Variants in TMEM229B observed in about 807,000 individuals in gnomAD.
TMEM229B encodes transmembrane protein 229B, also known as chromosome 14 open reading frame 83.
TMEM229B carries 6 observed loss-of-function variants against 13.7 expected under a neutral mutation model. The observed-to-expected ratio is 0.44, with a 90% CI of 0.24 to 0.86. TMEM229B has a LOEUF of 0.86. Ranked by LOEUF, TMEM229B falls within the 40% of genes least tolerant of loss-of-function variation. TMEM229B has a pLI of 0.23. For synonymous variants in TMEM229B, 107 were observed against 102.1 expected (o/e 1.05, Z -0.29); for missense variants, 170 against 236.0 (o/e 0.72, Z 1.83).
At chr14:67,528,801 T>C (rs2033405145) in intron 1 of TMEM229B, among the ~76,000 whole-genome samples, 1 of 152,058 alleles carries the variant, frequency 6.6e-6, no homozygotes, top group Admixed American at 6.5e-5. Flanking sequence ...CTGAGAAAAA[T>C]CACTCAAGGG....
chr14:67,478,224 G>T (rs779601867), intron 2 of TMEM229B, among the ~76,000 whole-genome samples: 6 of 152,230 alleles, frequency 3.9e-5, no homozygotes, highest in Admixed American at 1.3e-4. Context: ...GGCAAGGGCA[G>T]AGGCACAAAG....
chr14:67,531,218 C>T (rs1049693607), intron 1 of TMEM229B, among the ~76,000 whole-genome samples: 3 of 152,130 alleles, frequency 2.0e-5, no homozygotes, highest in African/African-American at 7.2e-5. Context: ...GAGTTCTGGG[C>T]TGCAATGAGC....
At chr14:67,497,344 A>G (rs2032431368) in intron 1 of TMEM229B, among the ~76,000 whole-genome samples, 1 of 152,178 alleles carries the variant, frequency 6.6e-6, no homozygotes, top group Non-Finnish European at 1.5e-5. Flanking sequence ...GCCTAAGGTC[A>G]TACAAATACC....
upstream of TMEM229B, among the ~76,000 whole-genome samples, chr14:67,518,664 C>T (rs1333797028): frequency 6.6e-6 from 1 of 152,186 alleles, no homozygotes; most frequent in Non-Finnish European, 1.5e-5. Flanking sequence ...GCCCTTCCCC[C>T]AAAGGAAACC....
intron 1 of TMEM229B, among the ~76,000 whole-genome samples, chr14:67,524,803 T>C (rs2033343139): frequency 6.6e-6 from 1 of 152,144 alleles, no homozygotes; most frequent in African/African-American, 2.4e-5. Flanking sequence ...GGGATCCAGA[T>C]AATATCAAAA....
intron 1 of TMEM229B, among the ~76,000 whole-genome samples, chr14:67,514,554 G>A (rs531226827): frequency 4.7e-4 from 72 of 152,162 alleles, no homozygotes; most frequent in Non-Finnish European, 8.4e-4. Flanking sequence ...GGGAGAAGGC[G>A]GCGGGGTCAT....
At chr14:67,521,769 T>C (rs1315972262) in intron 1 of TMEM229B, among the ~76,000 whole-genome samples, 1 of 152,188 alleles carries the variant, frequency 6.6e-6, no homozygotes, top group Non-Finnish European at 1.5e-5. Flanking sequence ...AGACCAAAGT[T>C]AAAAGAAATC....
intron 1 of TMEM229B, among the ~76,000 whole-genome samples, chr14:67,503,111 G>A (rs1326892457): frequency 6.6e-6 from 1 of 152,192 alleles, no homozygotes; most frequent in Non-Finnish European, 1.5e-5. Flanking sequence ...GGAGAGATCA[G>A]GATCTGTGTT....
chr14:67,481,853 G>A (rs1440932528), intron 2 of TMEM229B, among the ~76,000 whole-genome samples: 2 of 152,180 alleles, frequency 1.3e-5, no homozygotes, highest in African/African-American at 2.4e-5. Flanking sequence ...CAGCTCAGGG[G>A]ACCTTGGCTT....
At chr14:67,529,958 C>CT (rs930709547) in intron 1 of TMEM229B, among the ~76,000 whole-genome samples, 1 of 152,046 alleles carries the variant, frequency 6.6e-6, no homozygotes, top group Admixed American at 6.6e-5. Flanking sequence ...TGATTTGAGG[C>CT]TTTTTTGGTG....
At chr14:67,523,107 G>A (rs937357533) in intron 1 of TMEM229B, among the ~76,000 whole-genome samples, 13 of 152,120 alleles carry the variant, frequency 8.5e-5, no homozygotes, top group African/African-American at 3.1e-4. Flanking sequence ...GGTGGATCAC[G>A]AGGTCAGGAG....
chr14:67,508,576 A>G (rs1442947799), intron 1 of TMEM229B, among the ~76,000 whole-genome samples: 1 of 151,638 alleles, frequency 6.6e-6, no homozygotes, highest in Non-Finnish European at 1.5e-5. Flanking sequence ...TTCCTCTTCC[A>G]TGAATACTTC....
At chr14:67,528,756 T>TG (rs2033404561) in intron 1 of TMEM229B, among the ~76,000 whole-genome samples, 1 of 152,136 alleles carries the variant, frequency 6.6e-6, no homozygotes, top group Non-Finnish European at 1.5e-5. Context: ...TGATATGTGT[T>TG]GTAATTACAT....
intron 1 of TMEM229B, among the ~76,000 whole-genome samples, chr14:67,527,435 T>C (rs761680600): frequency 6.6e-6 from 1 of 151,764 alleles, no homozygotes; most frequent in African/African-American, 2.4e-5. Context: ...TGAAACTCCA[T>C]CTCAAAAAAA....
At chr14:67,526,834 G>T (rs182257686) in intron 1 of TMEM229B, among the ~76,000 whole-genome samples, 1 of 152,080 alleles carries the variant, frequency 6.6e-6, no homozygotes, top group Admixed American at 6.6e-5. Context: ...CTGAGGGCAG[G>T]TTTGTCATCA....
chr14:67,484,611 C>T (rs1256008283), intron 2 of TMEM229B, among the ~76,000 whole-genome samples: 1 of 151,972 alleles, frequency 6.6e-6, no homozygotes, highest in East Asian at 1.9e-4. Flanking sequence ...TTTAAAAAGC[C>T]AATCCATGCA....
chr14:67,475,213 C>A (rs2031108520), intron 2 of TMEM229B, among the ~76,000 whole-genome samples: 1 of 152,174 alleles, frequency 6.6e-6, no homozygotes, highest in Non-Finnish European at 1.5e-5. Flanking sequence ...CTGTGCCCAG[C>A]CAGAATTTCC....
chr14:67,485,077 A>G (rs2031795794), intron 2 of TMEM229B, among the ~76,000 whole-genome samples: 1 of 152,246 alleles, frequency 6.6e-6, no homozygotes, highest in African/African-American at 2.4e-5. Flanking sequence ...CCTGTAATGG[A>G]AGAATTCAGC....
intron 2 of TMEM229B, among the ~76,000 whole-genome samples, chr14:67,483,247 G>A (rs1025970348): frequency 6.6e-6 from 1 of 152,168 alleles, no homozygotes; most frequent in Non-Finnish European, 1.5e-5. Context: ...CTGACCTCAA[G>A]TGATCTGCCT....
Sources: allele counts gnomAD v4.1 joint callset (sites outside exome capture counted in the v4.1 genomes callset), GRCh38; gene constraint gnomAD v4.1.1; transcripts MANE v1.5; gene names NCBI Gene and HGNC (gene_info 2026-07-23, HGNC 2026-07-21).